The following ADGRG1 variants were observed in gnomAD, a reference collection of about 807,000 sequenced individuals.
The protein encoded by ADGRG1 is 7-transmembrane protein with no EGF-like N-terminal domains-1.
Under a neutral mutation model 73.5 loss-of-function variants are expected in ADGRG1, and 53 were observed. The ratio of observed to expected loss-of-function variants is 0.72; its 90% CI spans 0.58 to 0.91. The LOEUF (loss-of-function observed/expected upper bound fraction) is 0.91, where lower values mean the gene tolerates loss of function less well. Ranked by LOEUF, ADGRG1 falls within the 40% of genes least tolerant of loss-of-function variation. ADGRG1 has a pLI of 0.00. For missense variants in ADGRG1, 795 were observed against 871.8 expected, an observed-to-expected ratio of 0.91 and a Z score of 1.11; for synonymous variants, 394 against 374.4, an observed-to-expected ratio of 1.05 and a Z score of -0.60.
chr16:57,657,437 G>A lies in ADGRG1; in HGVS notation c.1232G>A (p.Cys411Tyr), dbSNP rs763662571. The part of the protein sequence containing the change: ...HYLSLLSYVG[C>Y]VVSALACLVT... Reference sequence around the variant, plus strand: ...CTGAGCCTCCTCTCCTACGTGGGCTGTGTCGTCTCTGCCCTGGCCTGCCTT... The same window carrying A: ...CTGAGCCTCCTCTCCTACGTGGGCTATGTCGTCTCTGCCCTGGCCTGCCTT... Residue 411 changes from cysteine to tyrosine, a missense_variant, in exon 10 of 14, where the codon TGT becomes TAT. Physicochemically the swap from Cys to Tyr is radical, Grantham distance 194. Coordinates refer to ENST00000562631, the MANE Select transcript of ADGRG1 (RefSeq NM_201525.4). 6.2e-7 allele frequency: 1 copy of A among 1,614,174 alleles called. No individual in the cohort carries two copies. Among genetic ancestry groups the A allele is most frequent in the Non-Finnish European group, 8.5e-7 (1 of 1,180,004 alleles).
intron 1 of ADGRG1, chr16:57,639,624 C>T (rs1486703379): frequency 1.7e-5 from 17 of 985,450 alleles, no homozygotes; most frequent in South Asian, 4.7e-5. Flanking sequence ...CTGCCACGCA[C>T]GTTCTTAATG....
intron 1 of ADGRG1, 42 bp from the exon 2 acceptor site, chr16:57,650,211 A>G: frequency 6.4e-7 from 1 of 1,560,288 alleles, no homozygotes; most frequent in Non-Finnish European, 8.8e-7. Context: ...CCCAACCACC[A>G]CACAGTCCAC....
chr16:57,660,466 C>T, intron 11 of ADGRG1: 1 of 852,954 alleles, frequency 1.2e-6, no homozygotes, highest in Non-Finnish European at 1.4e-6. Flanking sequence ...CTGCCCCTCC[C>T]ATCTCCCCTG....
chr16:57,660,645 C>A, intron 11 of ADGRG1, 123 bp from the exon 12 acceptor site: 1 of 1,521,048 alleles, frequency 6.6e-7, no homozygotes. Context: ...CCAGATGGGG[C>A]TGGGTGGGCT....
At chr16:57,661,162 C>T (rs1306309890) in intron 12 of ADGRG1, 2 of 464,858 alleles carry the variant, frequency 4.3e-6, no homozygotes, top group African/African-American at 4.2e-5. Flanking sequence ...ATGAGCCTCA[C>T]CACATTCCTC....
At chr16:57,623,273 G>A (rs2035209350), upstream of ADGRG1, 1 of 981,864 alleles carries the variant, frequency 1.0e-6, no homozygotes, top group Non-Finnish European at 1.2e-6. Context: ...GCTGCAGCCA[G>A]GTGTGGACGC....
upstream of ADGRG1, chr16:57,623,957 A>G (rs2035361275): frequency 2.6e-6 from 1 of 391,494 alleles, no homozygotes; most frequent in Non-Finnish European, 3.5e-6. Flanking sequence ...CTCAGTTTTC[A>G]TCTCTGTTAA....
At position 57,650,999 on chromosome 16, in the gene ADGRG1, C is replaced by T. The variant is rs958945996; in HGVS notation, c.65-201C>T. On this transcript the variant is annotated intron_variant, in intron 2 of 13. Transcript: ENST00000562631. ...CTGGGATTACAGGCGTGAGCCACCG[C>T]GCCCGGCCTCAGTTTCCTCTTTTTA... 1.2e-5 allele frequency: 12 copies of T among 977,780 alleles called. No homozygotes were observed. The South Asian group carries it at 1.4e-4, about 12-fold the overall frequency. 60.6% of individuals were successfully genotyped at this position (977,780 alleles called of 1,614,324 possible). A position where few individuals can be genotyped will look rare whatever the true frequency, so the allele number is the denominator to read the frequency against.
intron 1 of ADGRG1, chr16:57,642,352 G>A: frequency 2.0e-6 from 2 of 985,356 alleles, no homozygotes; most frequent in Non-Finnish European, 2.4e-6. Flanking sequence ...TGGCCCTGGG[G>A]AATGCCTAAG....
chr16:57,643,629 G>C (rs8053275), intron 1 of ADGRG1: 2 of 984,854 alleles, frequency 2.0e-6, no homozygotes, highest in Non-Finnish European at 2.4e-6. Flanking sequence ...AGTGGGCCAG[G>C]CCTGGGCACC....
chr16:57,652,720 T>G, intron 3 of ADGRG1: 3 of 1,009,772 alleles, frequency 3.0e-6, no homozygotes, highest in Non-Finnish European at 3.6e-6. Context: ...CAACCCCCAC[T>G]GTTTGTCTTC....
chr16:57,637,100 G>A (rs571114722), intron 1 of ADGRG1, among the ~76,000 whole-genome samples: 1 of 152,282 alleles, frequency 6.6e-6, no homozygotes, highest in South Asian at 2.1e-4. Context: ...TGGAGTTGGC[G>A]ACTGCAAGGA....
At position 57,654,943 on chromosome 16, in the gene ADGRG1, C is replaced by T. The variant is rs371463430; in HGVS notation, c.769-456C>T. ...CTACGTTGTCCAGGTTGGTCTTGAC[C>T]TCCGGGGTTCAAGCAGTCCTCTCGC... On this transcript the variant is annotated intron_variant, in intron 5 of 13. Coordinates refer to ENST00000562631, the MANE Select transcript of ADGRG1 (RefSeq NM_201525.4). The T allele has an allele frequency of 1.6e-4, 72 of 454,204 alleles. No homozygotes were observed. The South Asian group carries it at 5.6e-3, about 35-fold the overall frequency. 28.1% of individuals were successfully genotyped at this position (454,204 alleles called of 1,614,324 possible).
rs111601711 is a variant in ADGRG1, at chr16:57,656,418, G to A, written c.1064-96G>A. On this transcript the variant is annotated intron_variant, in intron 8 of 13. Transcript: ENST00000562631. The stretch of plus-strand genomic sequence containing the variant: ...AGCGATGGCAGGCTATGAGTAGGCC[G>A]GGTGGAAGAATGACACAGTCGTGCT... 722 of 1,607,006 alleles carry A rather than the reference G, an allele frequency of 4.5e-4. 2 individuals are homozygous for A. The African/African-American group carries it at 7.8e-3, about 17-fold the overall frequency.
chr16:57,653,022 G>C (rs974884440), intron 3 of ADGRG1, 181 bp from the exon 4 acceptor site: 1 of 1,467,054 alleles, frequency 6.8e-7, no homozygotes, highest in Admixed American at 2.4e-5. Context: ...CAACCCCCAC[G>C]GGTTGGCCTC....
chr16:57,630,072 A>C (rs1239222813), intron 1 of ADGRG1: 1 of 920,972 alleles, frequency 1.1e-6, no homozygotes, highest in Non-Finnish European at 1.3e-6. Context: ...GCATTTATTG[A>C]GCGCTTACTG....
In ADGRG1 at chr16:57,659,396, G is replaced by A. The variant is rs771416403; in HGVS notation, c.1287-17G>A. 1.2e-6 allele frequency: 2 copies of A among 1,613,162 alleles called. No homozygotes were observed. The highest frequency in any genetic ancestry group is 1.1e-5 in the South Asian group (1 of 91,088). ...TACCTTCCCACACTGGCCCACCAGG[G>A]TGCCCCTGCCGTGCAGGAGGAAACC... On this transcript the variant is annotated splice_polypyrimidine_tract_variant and intron_variant, in intron 10 of 13. Coordinates refer to ENST00000562631, the MANE Select transcript of ADGRG1 (RefSeq NM_201525.4).
chr16:57,632,772 G>A (rs968983807), intron 1 of ADGRG1: 5 of 985,142 alleles, frequency 5.1e-6, no homozygotes, highest in Non-Finnish European at 1.2e-6. Context: ...AGCCCCGGAG[G>A]AGCTGGCATG....
chr16:57,649,169 C>G (rs1009714451), intron 1 of ADGRG1, among the ~76,000 whole-genome samples: 1 of 152,202 alleles, frequency 6.6e-6, no homozygotes, highest in African/African-American at 2.4e-5. Context: ...GTTCCAGATG[C>G]TCTGGACCCT....
Sources: allele counts gnomAD v4.1 joint callset (sites outside exome capture counted in the v4.1 genomes callset), GRCh38; gene constraint gnomAD v4.1.1; transcripts MANE v1.5; gene names NCBI Gene and HGNC (gene_info 2026-07-23, HGNC 2026-07-21).